ZNF628: variants seen among roughly 807,000 people sequenced by gnomAD.
ZNF628 encodes zinc finger protein Zec.
Under a neutral mutation model 2.5 loss-of-function variants are expected in ZNF628, and 3 were observed. That is an observed-to-expected ratio of 1.19 (90% CI 0.54 to 3.07). The LOEUF (loss-of-function observed/expected upper bound fraction) is 3.07, where lower values mean the gene tolerates loss of function less well. Ranked by LOEUF, ZNF628 falls within the 30% of genes most tolerant of loss-of-function variation. The pLI, the probability that ZNF628 is intolerant of heterozygous loss-of-function variation, is 0.03. For missense variants in ZNF628, 1,610 were observed against 1,517.1 expected (o/e 1.06, Z -1.02); for synonymous variants, 861 against 717.1 (o/e 1.20, Z -3.21).
At chr19:55,478,535 G>A (rs1219830763) in intron 1 of ZNF628, among the ~76,000 whole-genome samples, 1 of 152,200 alleles carries the variant, frequency 6.6e-6, no homozygotes, top group African/African-American at 2.4e-5. Context: ...GCAGGAAGTC[G>A]GCAGGCTCGA....
At chr19:55,478,033 CGGCTAAGACTCGG>C (rs946853351) in intron 1 of ZNF628, among the ~76,000 whole-genome samples, 1 of 152,154 alleles carries the variant, frequency 6.6e-6, no homozygotes, top group Non-Finnish European at 1.5e-5. Context: ...GGCGACACTG[CGGCTAAGACTCGG>C]AGGTGCAGGA....
chr19:55,481,999 C>T lies in ZNF628; in HGVS notation c.806C>T (p.Pro269Leu). Residue 269 changes from proline to leucine, a missense_variant, in exon 3 of 3, where the codon CCC (proline) becomes CTC (leucine). Physicochemically the swap from Pro to Leu is moderately conservative, Grantham distance 98. Around this residue, in one of 5 missense-constraint regions of ZNF628, gnomAD observed 651 missense variants for 575.6 expected, o/e 1.13. Coordinates refer to ENST00000598519, the MANE Select transcript of ZNF628 (RefSeq NM_033113.3). ...CAGCCCCACAGCCCGCCCGCGCCTCCCGCCCCGCCGCCCCCGCCCCCGCCC... is the reference window on the plus strand; with the variant it reads ...CAGCCCCACAGCCCGCCCGCGCCTCTCGCCCCGCCGCCCCCGCCCCCGCCC... ...HLQPHSPPAPPAPPPPPPPVV... is the reference protein window; with the variant it reads ...HLQPHSPPAPLAPPPPPPPVV... 2 of 1,466,742 alleles carry T rather than the reference C, an allele frequency of 1.4e-6. No individual in the cohort carries two copies. The highest frequency in any genetic ancestry group is 1.8e-6 in the Non-Finnish European group (2 of 1,114,028). 90.9% of individuals were successfully genotyped at this position (1,466,742 alleles called of 1,614,324 possible). A position where few individuals can be genotyped will look rare whatever the true frequency, so the allele number is the denominator to read the frequency against.
chr19:55,476,988 G>A (rs1986565329), intron 1 of ZNF628, among the ~76,000 whole-genome samples, 181 bp downstream of exon 1: 1 of 152,196 alleles, frequency 6.6e-6, no homozygotes, highest in African/African-American at 2.4e-5. Flanking sequence ...GGGCCACATT[G>A]AGAGGGCGGG....
Position 55,482,488 on chromosome 19 carries a change from C to A in ZNF628, c.1295C>A (p.Pro432Gln), listed in dbSNP as rs755715368. 2.8e-5 allele frequency: 40 copies of A among 1,444,730 alleles called. No homozygotes were observed. The African/African-American group carries it at 5.5e-4, about 20-fold the overall frequency. The allele number at this position is 1,444,730 out of a possible 1,614,324, so 89.5% of individuals were successfully genotyped here. A position where few individuals can be genotyped will look rare whatever the true frequency, so the allele number is the denominator to read the frequency against. Residue 432 changes from proline to glutamine, a missense_variant, in exon 3 of 3, where the codon CCG becomes CAG. By Grantham distance (76) the Pro-to-Gln change is moderately conservative. Around this residue, in one of 5 missense-constraint regions of ZNF628, gnomAD observed 651 missense variants for 575.6 expected, o/e 1.13. Coordinates refer to ENST00000598519, the MANE Select transcript of ZNF628 (RefSeq NM_033113.3). Reference protein sequence around the residue: ...EAAEVTCPQEPLAPAAPVPPP... With the variant: ...EAAEVTCPQEQLAPAAPVPPP... The stretch of plus-strand genomic sequence containing the variant: ...GCGGAGGTGACCTGCCCCCAGGAAC[C>A]GCTGGCGCCTGCCGCCCCCGTCCCG...
At position 55,481,691 on chromosome 19, in the gene ZNF628, C is replaced by T; in HGVS notation, c.498C>T (p.His166=). The change falls in exon 3 of 3, where the codon CAC becomes CAT. Residue 166 remains histidine, a synonymous_variant. Coordinates refer to ENST00000598519, the MANE Select transcript of ZNF628 (RefSeq NM_033113.3). ...AGAACTCGTCCAGCCTGCGGCGCCA[C>T]CGCCACGTGCACACCGGCGAGCGGC... ...AFKNSSSLRR[H]RHVHTGERPY... is the part of the protein sequence containing the mutation. The T allele has an allele frequency of 1.2e-6, 2 of 1,613,220 alleles. No individual in the cohort carries two copies. Among genetic ancestry groups the T allele is most frequent in the Non-Finnish European group, 1.7e-6 (2 of 1,179,644 alleles).
In ZNF628 at chr19:55,477,718, C is replaced by T. The variant is rs532358241; in HGVS notation, c.-78+911C>T. ...CGAAGGTTGCAGTGAGCCGAGATCG[C>T]GCCACTGCACTCCAGCCTCGGTGAC... On this transcript the variant is annotated intron_variant, in intron 1 of 2. Coordinates refer to ENST00000598519, the MANE Select transcript of ZNF628 (RefSeq NM_033113.3). Among the ~76,000 whole-genome samples, 3 of 151,952 alleles carry T rather than the reference C, an allele frequency of 2.0e-5. No homozygotes were observed. In the East Asian group the frequency reaches 5.8e-4, roughly 30 times the overall value.
At position 55,482,712 on chromosome 19, in the gene ZNF628, C is replaced by T. The variant is rs1986765288; in HGVS notation, c.1519C>T (p.Leu507=). 3.1e-6 allele frequency: 5 copies of T among 1,611,354 alleles called. No individual in the cohort carries two copies. The highest frequency in any genetic ancestry group is 1.3e-5 in the African/African-American group (1 of 74,394). ...LAIHQRVHTG[L]RAFTCGQCGL... ...CATCCACCAGCGGGTGCACACGGGC[C>T]TGCGGGCCTTCACCTGTGGCCAGTG... The change falls in exon 3 of 3, where the codon CTG becomes TTG. Residue 507 remains leucine, a synonymous_variant. Coordinates refer to ENST00000598519, the MANE Select transcript of ZNF628 (RefSeq NM_033113.3).
intron 1 of ZNF628, among the ~76,000 whole-genome samples, chr19:55,478,666 C>T (rs968669925): frequency 2.6e-5 from 4 of 152,202 alleles, no homozygotes; most frequent in Non-Finnish European, 4.4e-5. Context: ...GGTGGAAACA[C>T]GGCGATCCGT....
intron 2 of ZNF628, 127 bp from the exon 3 acceptor site, chr19:55,481,074 G>A (rs1986685415): frequency 1.6e-6 from 2 of 1,279,280 alleles, no homozygotes; most frequent in Admixed American, 2.9e-5. Context: ...CTCATCCTAA[G>A]GAAGGTCCCC....
chr19:55,482,543 G>C lies in ZNF628; in HGVS notation c.1350G>C (p.Ala450=), dbSNP rs1010927291. The C allele has an allele frequency of 1.3e-6, 2 of 1,562,466 alleles. No homozygotes were observed. The highest frequency in any genetic ancestry group is 1.7e-6 in the Non-Finnish European group (2 of 1,160,714). The change falls in exon 3 of 3, where the codon GCG becomes GCC. Residue 450 remains alanine, a synonymous_variant. Transcript: ENST00000598519. ...PPPPPSAPAS[A]ERPYKCAECG... ...CACCCCCGTCCGCCCCCGCTTCTGC[G>C]GAGCGGCCCTACAAATGTGCCGAGT... is the stretch of plus-strand genomic sequence containing the variant.
chr19:55,483,167 C>T lies in ZNF628; in HGVS notation c.1974C>T (p.Ala658=), dbSNP rs769591940. Residue 658 remains alanine, a synonymous_variant, in exon 3 of 3, where the codon GCC becomes GCT. Transcript: ENST00000598519. ...CTCCCAGCACCACAGCCCCTGCCGC[C>T]GGCCCCCAGCCCCCTGCTCCACTGG... The part of the protein sequence containing the change: ...NTPPSTTAPA[A]GPQPPAPLAA... The T allele has an allele frequency of 1.8e-5, 28 of 1,551,200 alleles. No homozygotes were observed. The East Asian group carries it at 5.0e-4, about 28-fold the overall frequency.
In ZNF628 at chr19:55,483,684, A is replaced by G. The variant is rs1305601741; in HGVS notation, c.2491A>G (p.Thr831Ala). 3 of 1,613,388 alleles carry G rather than the reference A, an allele frequency of 1.9e-6. No individual in the cohort carries two copies. Among genetic ancestry groups the G allele is most frequent in the Non-Finnish European group, 2.5e-6 (3 of 1,179,836 alleles). The change falls in exon 3 of 3, where the codon ACG becomes GCG. Residue 831 changes from threonine (T) to alanine (A), a missense_variant. Around this residue, in one of 5 missense-constraint regions of ZNF628, gnomAD observed 712 missense variants for 603.6 expected, o/e 1.18. Coordinates refer to ENST00000598519, the MANE Select transcript of ZNF628 (RefSeq NM_033113.3). The stretch of plus-strand genomic sequence containing the variant: ...CCTCCGACCAGCCCCAGAAGTAACC[A>G]CGGTCCAGCTCCAGCCAGCGCAGGA... ...QPLRPAPEVT[T>A]VQLQPAQEVT...
intron 1 of ZNF628, among the ~76,000 whole-genome samples, chr19:55,477,050 C>T (rs1986568078): frequency 6.6e-6 from 1 of 152,178 alleles, no homozygotes; most frequent in Non-Finnish European, 1.5e-5. Context: ...ATGTTTTTCC[C>T]CTAAAAGGCG....
Position 55,483,231 on chromosome 19 carries a change from G to A in ZNF628, c.2038G>A (p.Val680Ile). 5.2e-6 allele frequency: 8 copies of A among 1,538,606 alleles called. No homozygotes were observed. Among genetic ancestry groups the A allele is most frequent in the Non-Finnish European group, 7.0e-6 (8 of 1,148,140 alleles). Residue 680 changes from valine to isoleucine, a missense_variant, in exon 3 of 3, where the codon GTC (valine) becomes ATC (isoleucine). Val to Ile is a conservative substitution (Grantham distance 29). Transcript: ENST00000598519. ...RAPPATQDVHVLPHLQATLSL... is the reference protein window; with the variant it reads ...RAPPATQDVHILPHLQATLSL... ...CCCGCCAGCCACCCAAGATGTCCAC[G>A]TCCTGCCCCACCTCCAGGCCACGCT...
At position 55,483,795 on chromosome 19, in the gene ZNF628, C is replaced by T. The variant is rs1250228128; in HGVS notation, c.2602C>T (p.Gln868Ter). The T allele has an allele frequency of 6.2e-7, 1 of 1,613,870 alleles. No individual in the cohort carries two copies. The highest frequency in any genetic ancestry group is 2.2e-5 in the East Asian group (1 of 44,872). ...PAQEVTTVQL[Q>*]PVAGQLSNSS... ...ACAGGAGGTGACCACGGTCCAGCTC[C>T]AGCCCGTGGCCGGCCAGCTCTCCAA... The change falls in exon 3 of 3, where the codon CAG becomes TAG. Residue 868 changes from glutamine to a stop codon, truncating the protein, a stop_gained. Coordinates refer to ENST00000598519, the MANE Select transcript of ZNF628 (RefSeq NM_033113.3). LOFTEE classifies it low-confidence loss of function (END_TRUNC).
Position 55,482,177 on chromosome 19 carries a change from A to G in ZNF628, c.984A>G (p.Ala328=). 1 of 1,490,900 alleles carries G rather than the reference A, an allele frequency of 6.7e-7. No individual in the cohort carries two copies. The highest frequency in any genetic ancestry group is 2.1e-5 in the Admixed American group (1 of 47,430). The allele number at this position is 1,490,900 out of a possible 1,614,324, so 92.4% of individuals were successfully genotyped here. A position where few individuals can be genotyped will look rare whatever the true frequency, so the allele number is the denominator to read the frequency against. The part of the protein sequence containing the change: ...GPDAAPQPQE[A]PAEAPKADQP... The stretch of plus-strand genomic sequence containing the variant: ...ATGCGGCGCCCCAGCCCCAGGAGGC[A>G]CCCGCCGAGGCGCCCAAGGCCGACC... The change falls in exon 3 of 3, where the codon GCA becomes GCG. Residue 328 remains alanine, a synonymous_variant. Coordinates refer to ENST00000598519, the MANE Select transcript of ZNF628 (RefSeq NM_033113.3).
At chr19:55,480,432 T>C (rs997658779) in intron 2 of ZNF628, among the ~76,000 whole-genome samples, 6 of 151,952 alleles carry the variant, frequency 3.9e-5, no homozygotes, top group Admixed American at 2.6e-4. Context: ...TATTTAATTA[T>C]TTTTTGAGAT....
At position 55,481,629 on chromosome 19, in the gene ZNF628, C is replaced by T. The variant is rs759924406; in HGVS notation, c.436C>T (p.Arg146Cys). ...CCACTTAAGGCAGCACACAGGCGAG[C>T]GCCCCTACCCGTGCCCGGACTGCCC... The part of the protein sequence containing the change: ...QYHLRQHTGE[R>C]PYPCPDCPKA... The change falls in exon 3 of 3, where the codon CGC becomes TGC. Residue 146 changes from arginine to cysteine, a missense_variant. Coordinates refer to ENST00000598519, the MANE Select transcript of ZNF628 (RefSeq NM_033113.3). The T allele has an allele frequency of 2.5e-6, 4 of 1,609,514 alleles. No homozygotes were observed. The highest frequency in any genetic ancestry group is 1.7e-4 in the Middle Eastern group (1 of 6,056).
rs747976037 is a variant in ZNF628 at position 55,482,500 on chromosome 19, C to T, written c.1307C>T (p.Ala436Val). The change falls in exon 3 of 3, where the codon GCC becomes GTC. Residue 436 changes from alanine (A) to valine (V), a missense_variant. By Grantham distance (64) the Ala-to-Val change is moderately conservative (BLOSUM62 0). Around this residue, in one of 5 missense-constraint regions of ZNF628, gnomAD observed 651 missense variants for 575.6 expected, o/e 1.13. Coordinates refer to ENST00000598519, the MANE Select transcript of ZNF628 (RefSeq NM_033113.3). ...TGCCCCCAGGAACCGCTGGCGCCTG[C>T]CGCCCCCGTCCCGCCGCCACCCCCG... ...VTCPQEPLAPAAPVPPPPPSA... is the reference protein window; with the variant it reads ...VTCPQEPLAPVAPVPPPPPSA... The T allele has an allele frequency of 9.7e-6, 14 of 1,443,354 alleles. No individual in the cohort carries two copies. The African/African-American group carries it at 1.7e-4, about 18-fold the overall frequency. The allele number at this position is 1,443,354 out of a possible 1,614,324, so 89.4% of individuals were successfully genotyped here.
Sources: allele counts gnomAD v4.1 joint callset (sites outside exome capture counted in the v4.1 genomes callset), GRCh38; gene constraint gnomAD v4.1.1; regional missense constraint gnomAD v4.1.1; transcripts MANE v1.5; gene names NCBI Gene and HGNC (gene_info 2026-07-23, HGNC 2026-07-21).